The following ZNF160 variants were observed in gnomAD, a reference collection of about 807,000 sequenced individuals.
The protein encoded by ZNF160 is KRAB zinc finger protein KR18.
Under a neutral mutation model 13.1 loss-of-function variants are expected in ZNF160, and 9 were observed. The ratio of observed to expected loss-of-function variants is 0.69; its 90% CI spans 0.41 to 1.20. ZNF160 has a LOEUF of 1.20. ZNF160 is among the 50% of genes most tolerant of loss of function. ZNF160 has a pLI of 0.01. For synonymous variants in ZNF160, 293 were observed against 333.2 expected (o/e 0.88, Z 1.31); for missense variants, 838 against 988.0 (o/e 0.85, Z 2.04).
chr19:53,073,424 G>A, intron 5 of ZNF160: 2 of 1,598,438 alleles, frequency 1.3e-6, no homozygotes, highest in South Asian at 1.1e-5. Flanking sequence ...ACCTCGACAG[G>A]CGGAGACGGC....
intron 3 of ZNF160, among the ~76,000 whole-genome samples, chr19:53,081,582 A>G (rs572201407): frequency 1.6e-4 from 24 of 152,154 alleles, no homozygotes; most frequent in Non-Finnish European, 2.8e-4. Flanking sequence ...TACCAGGCAT[A>G]ATGGCTATTA....
chr19:53,085,252 C>G (rs2084787479), intron 3 of ZNF160: 2 of 976,390 alleles, frequency 2.0e-6, no homozygotes, highest in Admixed American at 6.2e-5. Flanking sequence ...TCAAAACTTG[C>G]AGGTTAACAT....
intron 3 of ZNF160, among the ~76,000 whole-genome samples, chr19:53,076,636 C>A (rs2084402118): frequency 6.6e-6 from 1 of 152,060 alleles, no homozygotes; most frequent in Non-Finnish European, 1.5e-5. Context: ...GAGACTCCAT[C>A]TCAAAAAAAG....
rs182756863 is a variant in ZNF160, at chr19:53,068,720, C to T, written c.1814G>A (p.Arg605His). 126 of 1,613,978 alleles carry T rather than the reference C, an allele frequency of 7.8e-5. No homozygotes were observed. In the Middle Eastern group the frequency reaches 1.7e-3, roughly 21 times the overall value. ...TGCCTGATGAAAAGTTAGGCTTGAA[C>T]GATCACTAAAGGCTCTGCCACAGTC... ...CNDCGRAFSD[R>H]SSLTFHQAIH... Residue 605 changes from arginine to histidine, a missense_variant, in exon 6 of 6, where the codon CGT becomes CAT. Arg to His is a conservative substitution (Grantham distance 29). Around this residue, in one of 3 missense-constraint regions of ZNF160, gnomAD observed 400 missense variants for 538.9 expected, o/e 0.74. Transcript: ENST00000683776.
At chr19:53,076,616 G>A (rs982894487) in intron 3 of ZNF160, among the ~76,000 whole-genome samples, 4 of 152,200 alleles carry the variant, frequency 2.6e-5, no homozygotes, top group Non-Finnish European at 5.9e-5. Context: ...TCCAGCCTGG[G>A]TGACAGAGTG....
chr19:53,087,636 C>T (rs912931031), intron 2 of ZNF160, among the ~76,000 whole-genome samples: 3 of 152,068 alleles, frequency 2.0e-5, no homozygotes, highest in African/African-American at 4.8e-5. Flanking sequence ...CTGCAGCCTC[C>T]GCCTCCTGGG....
At chr19:53,074,561 T>G (rs1036608733) in intron 4 of ZNF160, among the ~76,000 whole-genome samples, 1 of 150,836 alleles carries the variant, frequency 6.6e-6, no homozygotes, top group African/African-American at 2.4e-5. Flanking sequence ...TCCCAGCTAC[T>G]CGGGAGGCTA....
chr19:53,096,753 G>A (rs544681934), intron 1 of ZNF160, among the ~76,000 whole-genome samples: 1 of 127,470 alleles, frequency 7.8e-6, no homozygotes, highest in East Asian at 2.0e-4. Flanking sequence ...GAGACAAACA[G>A]ACCAACCCGT....
chr19:53,098,325 C>T (rs1406567035), intron 1 of ZNF160, among the ~76,000 whole-genome samples: 1 of 152,198 alleles, frequency 6.6e-6, no homozygotes, highest in Non-Finnish European at 1.5e-5. Context: ...CTTCACCTGT[C>T]CCCATTTTTC....
At chr19:53,081,557 T>C (rs1471419408) in intron 3 of ZNF160, among the ~76,000 whole-genome samples, 1 of 151,562 alleles carries the variant, frequency 6.6e-6, no homozygotes. Flanking sequence ...AAAACCATAA[T>C]GAGACACCAT....
chr19:53,069,730 C>T lies in ZNF160; in HGVS notation c.804G>A (p.Gln268=), dbSNP rs2084093486. The T allele has an allele frequency of 6.2e-7, 1 of 1,613,910 alleles. No homozygotes were observed. Among genetic ancestry groups the T allele is most frequent in the African/African-American group, 1.3e-5 (1 of 74,870 alleles). ...TCCTATGACTTGTAAGGTTCGAATTCTGAGTGAACGCCTTGCCACATTCAT... is the reference window on the plus strand; with the variant it reads ...TCCTATGACTTGTAAGGTTCGAATTTTGAGTGAACGCCTTGCCACATTCAT... The part of the protein sequence containing the change: ...KCNECGKAFT[Q]NSNLTSHRRI... The change falls in exon 6 of 6, where the codon CAG becomes CAA. Residue 268 remains glutamine (Q), a synonymous_variant. Coordinates refer to ENST00000683776, the MANE Select transcript of ZNF160 (RefSeq NM_001322131.2). This position sits in a 1 kb window ranked among gnomAD's most constrained non-coding sequence, Gnocchi z 4.4.
intron 1 of ZNF160, among the ~76,000 whole-genome samples, chr19:53,092,503 G>A (rs904312210): frequency 2.6e-5 from 4 of 152,084 alleles, no homozygotes; most frequent in South Asian, 4.1e-4. Flanking sequence ...TAGTAGAGAC[G>A]GAGTTTCACC....
rs1568471641 is a variant in ZNF160 at position 53,068,427 on chromosome 19, T to C, written c.2107A>G (p.Lys703Glu). ...ANHQRTHTGEKPYRCNECGKA... is the reference protein window; with the variant it reads ...ANHQRTHTGEEPYRCNECGKA... ...CCACACTCATTGCATCGGTAAGGTT[T>C]CTCTCCGGTGTGAGTCCTTTGATGA... Residue 703 changes from lysine to glutamate, a missense_variant, in exon 6 of 6, where the codon AAA (lysine) becomes GAA (glutamate). Lys to Glu is a moderately conservative substitution (Grantham distance 56). Coordinates refer to ENST00000683776, the MANE Select transcript of ZNF160 (RefSeq NM_001322131.2). The C allele has an allele frequency of 6.2e-7, 1 of 1,614,074 alleles. No individual in the cohort carries two copies. The highest frequency in any genetic ancestry group is 8.5e-7 in the Non-Finnish European group (1 of 1,179,990).
At chr19:53,093,561 C>A (rs8100002) in intron 1 of ZNF160, 133,966 of 152,288 alleles carry the variant, frequency 0.88, 59,002 homozygotes, top group Middle Eastern at 0.93. Context: ...AAACTCAAAA[C>A]TAATGAACTT....
chr19:53,101,964 A>G (rs973363431), intron 1 of ZNF160, among the ~76,000 whole-genome samples: 1 of 152,118 alleles, frequency 6.6e-6, no homozygotes, highest in Admixed American at 6.6e-5. Context: ...ACCTGGCCCC[A>G]GGGCGCCCCT....
Position 53,067,034 on chromosome 19 carries a change from G to C in ZNF160, c.*1043C>G, listed in dbSNP as rs1315040727. 6.6e-6 allele frequency: 1 copy of C among 152,190 alleles called. No individual in the cohort carries two copies. The highest frequency in any genetic ancestry group is 1.5e-5 in the Non-Finnish European group (1 of 68,040). 9.4% of individuals were successfully genotyped at this position (152,190 alleles called of 1,614,324 possible). A position where few individuals can be genotyped will look rare whatever the true frequency, so the allele number is the denominator to read the frequency against. ...GACCTCAGGTGATCCACCTGCCTCA[G>C]CCTCCCAAAGTGCTGGGATTACAGG... On this transcript the variant is annotated 3_prime_UTR_variant, in exon 6 of 6. Coordinates refer to ENST00000683776, the MANE Select transcript of ZNF160 (RefSeq NM_001322131.2).
chr19:53,076,954 T>C (rs1301434410), intron 3 of ZNF160: 1 of 152,180 alleles, frequency 6.6e-6, no homozygotes, highest in Non-Finnish European at 1.5e-5. Flanking sequence ...ACAAGGCTCA[T>C]AACGTTCTGA....
intron 3 of ZNF160, among the ~76,000 whole-genome samples, chr19:53,082,008 AT>A (rs2145732951): frequency 6.6e-6 from 1 of 152,356 alleles, no homozygotes; most frequent in African/African-American, 2.4e-5. Flanking sequence ...TAGCGAATTA[AT>A]GCACAAATAG....
At chr19:53,085,942 G>T in intron 3 of ZNF160, 1 of 1,110,642 alleles carries the variant, frequency 9.0e-7, no homozygotes, top group South Asian at 1.3e-5. Flanking sequence ...ACACAGCGCT[G>T]ACAGTGCATC....
Sources: allele counts gnomAD v4.1 joint callset (sites outside exome capture counted in the v4.1 genomes callset), GRCh38; gene constraint gnomAD v4.1.1; regional missense constraint gnomAD v4.1.1; non-coding constraint Gnocchi (gnomAD v3.1); transcripts MANE v1.5; gene names NCBI Gene and HGNC (gene_info 2026-07-23, HGNC 2026-07-21).